The following FARSB variants were observed in gnomAD, a reference collection of about 807,000 sequenced individuals.
The protein encoded by FARSB is phenylalanyl-tRNA synthetase subunit beta.
Under a neutral mutation model 69.6 loss-of-function variants are expected in FARSB, and 40 were observed. The ratio of observed to expected loss-of-function variants is 0.57; its 90% CI spans 0.45 to 0.75. The LOEUF (loss-of-function observed/expected upper bound fraction) is 0.75, where lower values mean the gene tolerates loss of function less well. Among genes scored for constraint, FARSB ranks in the 30% least tolerant of loss-of-function variants. The pLI is 0.00. For synonymous variants in FARSB, 235 were observed against 247.2 expected, an observed-to-expected ratio of 0.95 and a Z score of 0.46; for missense variants, 632 against 722.9, an observed-to-expected ratio of 0.87 and a Z score of 1.44.
intron 5 of FARSB, 98 bp downstream of exon 5, chr2:222,639,482 G>A: frequency 4.2e-6 from 2 of 474,514 alleles, no homozygotes; most frequent in Non-Finnish European, 3.8e-6. Flanking sequence ...GAAGGCAGAA[G>A]TGGCAAGAGA....
At chr2:222,574,420 G>A (rs1689786441) in intron 16 of FARSB, among the ~76,000 whole-genome samples, 1 of 152,126 alleles carries the variant, frequency 6.6e-6, no homozygotes, top group African/African-American at 2.4e-5. Context: ...GCTCTCACCT[G>A]TCACCTGGAC....
chr2:222,611,021 C>T (rs535129468), intron 15 of FARSB, among the ~76,000 whole-genome samples: 1 of 152,070 alleles, frequency 6.6e-6, no homozygotes, highest in South Asian at 2.1e-4. Flanking sequence ...TTTTAGAATA[C>T]TCCATCAGAG....
At chr2:222,588,128 C>T (rs374089221) in intron 16 of FARSB, among the ~76,000 whole-genome samples, 5 of 152,222 alleles carry the variant, frequency 3.3e-5, no homozygotes, top group South Asian at 2.1e-4. Flanking sequence ...ACTGGCAAAA[C>T]GAATCCAGCA....
chr2:222,597,987 T>C lies in FARSB; in HGVS notation c.1618+1941A>G, dbSNP rs925851350. Among the ~76,000 whole-genome samples the C allele has an allele frequency of 1.1e-4, 17 of 152,316 alleles. No homozygotes were observed. The East Asian group carries it at 3.1e-3, about 28-fold the overall frequency. On this transcript the variant is annotated intron_variant, in intron 16 of 16. Coordinates refer to ENST00000281828, the MANE Select transcript of FARSB (RefSeq NM_005687.5). ...AGTTTCAAGCTCCTTCCTCACCCTA[T>C]AGCCAAACCACACTACACTGTCTGC...
At chr2:222,650,846 T>C (rs58369676) in intron 1 of FARSB, among the ~76,000 whole-genome samples, 8,220 of 152,296 alleles carry the variant, frequency 0.054, 445 homozygotes, top group African/African-American at 0.14. Context: ...TACTCCCCGA[T>C]TCCTGTCTCT....
chr2:222,646,563 T>C (rs1691863784), intron 2 of FARSB, among the ~76,000 whole-genome samples: 1 of 152,236 alleles, frequency 6.6e-6, no homozygotes, highest in Admixed American at 6.5e-5. Flanking sequence ...CTGTGATAGA[T>C]ATCCTTAACA....
rs1462085039 is a variant in FARSB at position 222,600,067 on chromosome 2, G to GT, written c.1478dup (p.Asn493LysfsTer17). 1 of 1,606,394 alleles carries GT rather than the reference G, an allele frequency of 6.2e-7. No individual in the cohort carries two copies. The highest frequency in any genetic ancestry group is 8.5e-7 in the Non-Finnish European group (1 of 1,178,210). ...AATAAACAGCACAGAGATGTCTGTA[G>GT]TTTTTTGCACCTACATCTAGAAAAA... On this transcript the variant is annotated frameshift_variant, in exon 16 of 17. Coordinates refer to ENST00000281828, the MANE Select transcript of FARSB (RefSeq NM_005687.5). LOFTEE classifies it high-confidence loss of function.
intron 13 of FARSB, among the ~76,000 whole-genome samples, chr2:222,623,255 T>A (rs916828685): frequency 3.3e-5 from 5 of 152,164 alleles, no homozygotes; most frequent in Non-Finnish European, 7.3e-5. Context: ...ACAAAGAAAT[T>A]AATTTAATGT....
chr2:222,635,852 G>T (rs1007097694), intron 5 of FARSB, among the ~76,000 whole-genome samples: 2 of 152,236 alleles, frequency 1.3e-5, no homozygotes, highest in African/African-American at 4.8e-5. Flanking sequence ...GGCCAAGGCA[G>T]CAAGACTGCT....
chr2:222,599,737 G>A (rs1297512293), intron 16 of FARSB, among the ~76,000 whole-genome samples, 191 bp downstream of exon 16: 1 of 152,162 alleles, frequency 6.6e-6, no homozygotes, highest in Non-Finnish European at 1.5e-5. Context: ...ACTTACGAGA[G>A]TTCTGAAAAG....
rs1260186166 is a variant in FARSB at position 222,569,066 on chromosome 2, A to G, written c.*2805T>C. 1.3e-5 allele frequency: 2 copies of G among 152,216 alleles called. No homozygotes were observed. Among genetic ancestry groups the G allele is most frequent in the Non-Finnish European group, 2.9e-5 (2 of 68,046 alleles). The allele number at this position is 152,216 out of a possible 1,614,324, so 9.4% of individuals were successfully genotyped here. On this transcript the variant is annotated 3_prime_UTR_variant, in exon 17 of 17. Coordinates refer to ENST00000281828, the MANE Select transcript of FARSB (RefSeq NM_005687.5). ...CCAGTTCAAATGCTTCACCAGGGAC[A>G]AGTGTAAGATGATCTGGCTGCAGAG...
chr2:222,627,682 A>C (rs1164202398), intron 10 of FARSB, among the ~76,000 whole-genome samples: 1 of 152,258 alleles, frequency 6.6e-6, no homozygotes, highest in African/African-American at 2.4e-5. Flanking sequence ...ATATAATTTC[A>C]GTTATGCTTC....
intron 15 of FARSB, among the ~76,000 whole-genome samples, chr2:222,601,889 C>T (rs1574924510): frequency 1.3e-5 from 2 of 152,216 alleles, no homozygotes; most frequent in East Asian, 3.9e-4. Context: ...GTCTCAAACT[C>T]TGGGCTCAAG....
At chr2:222,639,378 C>T (rs1691658955) in intron 5 of FARSB, among the ~76,000 whole-genome samples, 2 of 152,016 alleles carry the variant, frequency 1.3e-5, no homozygotes, top group African/African-American at 4.8e-5. Context: ...TCTGGTAAAG[C>T]AAAGTGAAAT....
At chr2:222,600,358 C>T (rs1690528763) in intron 15 of FARSB, among the ~76,000 whole-genome samples, 2 of 152,094 alleles carry the variant, frequency 1.3e-5, no homozygotes, top group South Asian at 4.1e-4. Context: ...TGGTAAAATT[C>T]TTTGTAAACA....
At chr2:222,654,607 GC>G (rs562172247) in intron 1 of FARSB, among the ~76,000 whole-genome samples, 72 of 152,278 alleles carry the variant, frequency 4.7e-4, no homozygotes, top group African/African-American at 1.6e-3. Flanking sequence ...AAGCGATTAG[GC>G]GATTAGAGCC....
intron 16 of FARSB, among the ~76,000 whole-genome samples, chr2:222,577,388 A>G (rs1273011865): frequency 6.6e-6 from 1 of 152,204 alleles, no homozygotes; most frequent in African/African-American, 2.4e-5. Flanking sequence ...CTGAAGATCA[A>G]AAGAAAGAAA....
intron 15 of FARSB, among the ~76,000 whole-genome samples, chr2:222,612,781 T>C (rs1362023085): frequency 1.3e-5 from 2 of 152,176 alleles, no homozygotes; most frequent in African/African-American, 2.4e-5. Flanking sequence ...ACTGGAGATG[T>C]GGAGTTTGAA....
At chr2:222,614,989 G>A (rs1229044810) in intron 14 of FARSB, among the ~76,000 whole-genome samples, 1 of 152,092 alleles carries the variant, frequency 6.6e-6, no homozygotes, top group Non-Finnish European at 1.5e-5. Flanking sequence ...CTATGGGTAG[G>A]CTGTAACTAC....
Sources: gnomAD v4.1 joint callset for allele counts (sites outside exome capture counted in the v4.1 genomes callset) on GRCh38, gnomAD v4.1.1 for gene constraint, MANE v1.5 for transcripts, NCBI Gene and HGNC (gene_info 2026-07-23, HGNC 2026-07-21) for gene names.